Variants in PRTFDC1 observed in about 807,000 individuals in gnomAD.
The protein encoded by PRTFDC1 is phosphoribosyl transferase domain containing 1.
PRTFDC1 carries 38 observed loss-of-function variants against 34.6 expected under a neutral mutation model. The ratio of observed to expected loss-of-function variants is 1.10; its 90% CI spans 0.85 to 1.44. The LOEUF (loss-of-function observed/expected upper bound fraction) is 1.44, where lower values mean the gene tolerates loss of function less well. Ranked by LOEUF, PRTFDC1 falls within the 40% of genes most tolerant of loss-of-function variation. The probability of loss-of-function intolerance (pLI) is 0.00; values close to 1 mark genes in which losing one functional copy is unlikely to be tolerated. For synonymous variants in PRTFDC1, 93 were observed against 98.1 expected (o/e 0.95, Z 0.31); for missense variants, 270 against 283.0 (o/e 0.95, Z 0.33).
intron 1 of PRTFDC1, among the ~76,000 whole-genome samples, chr10:24,947,683 AAC>A (rs2132622372): frequency 6.6e-6 from 1 of 152,048 alleles, no homozygotes; most frequent in South Asian, 2.1e-4. Flanking sequence ...TAAGGGAGAA[AAC>A]ACATACAAGA....
In PRTFDC1 at chr10:24,914,750, G is replaced by T. The variant is rs200891798; in HGVS notation, c.339+22434C>A. On this transcript the variant is annotated intron_variant, in intron 3 of 8. Coordinates refer to ENST00000320152, the MANE Select transcript of PRTFDC1 (RefSeq NM_020200.7). ...TTTAAAGAACTTTATTAAAACTACA[G>T]CTCTAGCCAACTCCTTCTCTGACTA... Among the ~76,000 whole-genome samples, 5 of 152,254 alleles carry T rather than the reference G, an allele frequency of 3.3e-5. No homozygotes were observed. In the East Asian group the frequency reaches 9.6e-4, roughly 29 times the overall value.
At chr10:24,884,978 C>A (rs1366422435) in intron 3 of PRTFDC1, among the ~76,000 whole-genome samples, 3 of 152,186 alleles carry the variant, frequency 2.0e-5, no homozygotes, top group Admixed American at 1.3e-4. Flanking sequence ...GCAGGAGGGT[C>A]CTGTCCCCAC....
chr10:24,887,265 C>T (rs1011124907), intron 3 of PRTFDC1, among the ~76,000 whole-genome samples: 3 of 152,100 alleles, frequency 2.0e-5, no homozygotes, highest in South Asian at 2.1e-4. Context: ...CCACCGCGCC[C>T]GGCCGTTAAT....
At chr10:24,929,254 G>C (rs1435297624) in intron 3 of PRTFDC1, among the ~76,000 whole-genome samples, 1 of 152,002 alleles carries the variant, frequency 6.6e-6, no homozygotes, top group African/African-American at 2.4e-5. Flanking sequence ...CCTTTGTTCT[G>C]AACTGTGGGA....
At chr10:24,886,847 T>G (rs993870929) in intron 3 of PRTFDC1, among the ~76,000 whole-genome samples, 1 of 152,092 alleles carries the variant, frequency 6.6e-6, no homozygotes, top group Non-Finnish European at 1.5e-5. Context: ...ACCCTTTGAG[T>G]AGCCAGGGTC....
chr10:24,944,143 T>A (rs999244376), intron 1 of PRTFDC1, among the ~76,000 whole-genome samples: 8 of 152,136 alleles, frequency 5.3e-5, no homozygotes, highest in Non-Finnish European at 1.2e-4. Context: ...GAGGCCTTGC[T>A]GACTGCCCCC....
chr10:24,856,844 CTG>C, intron 6 of PRTFDC1, 67 bp downstream of exon 6: 2 of 1,330,586 alleles, frequency 1.5e-6, no homozygotes, highest in Non-Finnish European at 2.2e-6. Flanking sequence ...AAAGAGCATC[CTG>C]TGTTAGCATC....
chr10:24,887,206 A>G (rs564537085), intron 3 of PRTFDC1, among the ~76,000 whole-genome samples: 37 of 151,058 alleles, frequency 2.4e-4, no homozygotes, highest in East Asian at 2.4e-3. Context: ...TCCTGACCTC[A>G]TGATCCACCC....
At chr10:24,934,232 G>T (rs1849013264) in intron 3 of PRTFDC1, among the ~76,000 whole-genome samples, 1 of 117,978 alleles carries the variant, frequency 8.5e-6, no homozygotes, top group African/African-American at 3.5e-5. Flanking sequence ...AGAAGAAGAA[G>T]AAGAAGAAGA....
chr10:24,866,391 C>G (rs1414979695), intron 4 of PRTFDC1, among the ~76,000 whole-genome samples: 4 of 143,416 alleles, frequency 2.8e-5, no homozygotes, highest in African/African-American at 1.0e-4. Context: ...GAAAAAAAAA[C>G]TTATTTGAGG....
chr10:24,946,749 G>A (rs1233072077), intron 1 of PRTFDC1, among the ~76,000 whole-genome samples: 1 of 152,206 alleles, frequency 6.6e-6, no homozygotes, highest in Non-Finnish European at 1.5e-5. Context: ...TAGATGAACT[G>A]AAACATCAAT....
intron 1 of PRTFDC1, among the ~76,000 whole-genome samples, chr10:24,948,358 T>C (rs1849285804): frequency 6.6e-6 from 1 of 152,096 alleles, no homozygotes; most frequent in Admixed American, 6.5e-5. Context: ...GATCTTTATC[T>C]CTCCCTGAGA....
At chr10:24,935,838 G>C (rs986661795) in intron 3 of PRTFDC1, among the ~76,000 whole-genome samples, 6 of 152,234 alleles carry the variant, frequency 3.9e-5, no homozygotes, top group African/African-American at 1.4e-4. Flanking sequence ...ACCCCTAGGA[G>C]TGGAGAGTCT....
rs570604395 is a variant in PRTFDC1, at chr10:24,938,054, CG to C, written c.156-688del. Among the ~76,000 whole-genome samples, 268 of 151,548 alleles carry C rather than the reference CG, an allele frequency of 1.8e-3. 2 individuals carry two copies. Among genetic ancestry groups the C allele is most frequent in the African/African-American group, 6.4e-3 (263 of 41,380 alleles). ...CAGCCTGGCCAACGTGGTGAAACCC[CG>C]TCTCTACTAAAAATACAAAAATTAG... On this transcript the variant is annotated intron_variant, in intron 2 of 8. Coordinates refer to ENST00000320152, the MANE Select transcript of PRTFDC1 (RefSeq NM_020200.7).
Position 24,903,762 on chromosome 10 carries a change from G to A in PRTFDC1, c.340-31699C>T, listed in dbSNP as rs76232380. 3.8e-3 allele frequency among the ~76,000 whole-genome samples: 568 copies of A among 150,368 alleles called. 20 individuals are homozygous for A. The East Asian group carries it at 0.087, about 23-fold the overall frequency. ...TCTGTCATCTAGGCTGTAGTGCAGT[G>A]CTCCTGGGCTCCAGTGATCTTCTCT... On this transcript the variant is annotated intron_variant, in intron 3 of 8. Transcript: ENST00000320152.
intron 3 of PRTFDC1, among the ~76,000 whole-genome samples, chr10:24,933,111 TTAACA>T (rs1848994559): frequency 6.6e-6 from 1 of 151,856 alleles, no homozygotes; most frequent in African/African-American, 2.4e-5. Flanking sequence ...TAGTAAAAAA[TTAACA>T]TGACATGTCT....
At chr10:24,865,312 T>A (rs148319205) in intron 4 of PRTFDC1, among the ~76,000 whole-genome samples, 5 of 152,296 alleles carry the variant, frequency 3.3e-5, no homozygotes, top group African/African-American at 4.8e-5. Context: ...CAAGCTATTA[T>A]CAATGTCTAT....
At chr10:24,903,713 T>TC (rs1848485544) in intron 3 of PRTFDC1, among the ~76,000 whole-genome samples, 1 of 151,826 alleles carries the variant, frequency 6.6e-6, no homozygotes, top group Non-Finnish European at 1.5e-5. Flanking sequence ...TATTCTTTTT[T>TC]TTTTTTTTGA....
intron 3 of PRTFDC1, among the ~76,000 whole-genome samples, chr10:24,893,731 T>A (rs538900396): frequency 5.9e-5 from 9 of 151,940 alleles, no homozygotes; most frequent in African/African-American, 2.2e-4. Flanking sequence ...ATTTTCTAGA[T>A]GAGAAAATGG....
Sources: allele counts gnomAD v4.1 joint callset (sites outside exome capture counted in the v4.1 genomes callset), GRCh38; gene constraint gnomAD v4.1.1; transcripts MANE v1.5; gene names NCBI Gene and HGNC (gene_info 2026-07-23, HGNC 2026-07-21).